ADGRF5: variants seen among roughly 807,000 people sequenced by gnomAD.
The protein encoded by ADGRF5 is adhesion G protein-coupled receptor F5, also known as G-protein coupled receptor 116.
In ADGRF5, 75 loss-of-function variants were observed where a neutral mutation model predicts 132.3. The ratio of observed to expected loss-of-function variants is 0.57; its 90% confidence interval spans 0.47 to 0.69. The LOEUF is 0.69. Ranked by LOEUF, ADGRF5 falls within the 30% of genes least tolerant of loss-of-function variation. ADGRF5 has a pLI of 0.00. For missense variants in ADGRF5, 1,516 were observed against 1,630.6 expected, an observed-to-expected ratio of 0.93 and a Z score of 1.21; for synonymous variants, 629 against 597.6, an observed-to-expected ratio of 1.05 and a Z score of -0.77.
chr6:46,931,482 G>A (rs1462324499), intron 1 of ADGRF5, among the ~76,000 whole-genome samples: 1 of 152,126 alleles, frequency 6.6e-6, no homozygotes, highest in African/African-American at 2.4e-5. Context: ...CATCTCCCTT[G>A]ACCCTGTAGC....
intron 2 of ADGRF5, among the ~76,000 whole-genome samples, chr6:46,902,055 T>C (rs566402478): frequency 7.2e-5 from 11 of 152,292 alleles, no homozygotes; most frequent in Non-Finnish European, 1.2e-4. Context: ...TGGATGATGA[T>C]TGGAATTTCA....
At chr6:46,936,824 T>C (rs1249461158) in intron 1 of ADGRF5, among the ~76,000 whole-genome samples, 1 of 152,144 alleles carries the variant, frequency 6.6e-6, no homozygotes, top group Non-Finnish European at 1.5e-5. Context: ...GAGGTTGTAG[T>C]ATGGAAGCAC....
rs547822693 is a variant in ADGRF5, at chr6:46,885,495, G to C, written c.329-1224C>G. 5.9e-5 allele frequency among the ~76,000 whole-genome samples: 9 copies of C among 152,154 alleles called. No homozygotes were observed. In the East Asian group the frequency reaches 1.2e-3, roughly 20 times the overall value. On this transcript the variant is annotated intron_variant, in intron 4 of 20. Coordinates refer to ENST00000283296, the MANE Select transcript of ADGRF5 (RefSeq NM_001098518.2). ...AAGTTTCCTTTTACATCCCGCACTC[G>C]CAGAGAAAAACAAGAGGTCTTGTCT...
rs768531905 is a variant in ADGRF5 at position 46,881,562 on chromosome 6, G to A, written c.707C>T (p.Thr236Ile). ...GSVVVTYEVK[T>I]TPPSLELIHK... ...TATTAACTCAAGTGATGGTGGTGTA[G>A]TCTTGACTTCATATGTCACAACCAC... Residue 236 changes from threonine (T) to isoleucine (I), a missense_variant, in exon 8 of 21, where the codon ACT becomes ATT. Transcript: ENST00000283296. The A allele has an allele frequency of 1.9e-6, 3 of 1,613,694 alleles. No individual in the cohort carries two copies. In the Admixed American group the frequency reaches 5.0e-5, roughly 27 times the overall value.
intron 4 of ADGRF5, among the ~76,000 whole-genome samples, chr6:46,884,928 C>T (rs1257800728): frequency 1.3e-5 from 2 of 152,130 alleles, no homozygotes; most frequent in Non-Finnish European, 2.9e-5. Flanking sequence ...ACAGGCCAGG[C>T]ACAGTGGCTC....
At position 46,859,062 on chromosome 6, in the gene ADGRF5, A is replaced by G. The variant is rs1454264722; in HGVS notation, c.2841T>C (p.Pro947=). ...AGACACACTTCGTTTCGCCGCCTGA[A>G]GGGCTATTGTTCTTAAAAGTCATTG... ...RISMTFKNNS[P]SGGETKCVFW... The change falls in exon 17 of 21, where the codon CCT becomes CCC. Residue 947 remains proline (P), a synonymous_variant. Transcript: ENST00000283296. The G allele has an allele frequency of 1.2e-6, 2 of 1,614,168 alleles. No homozygotes were observed. Among genetic ancestry groups the G allele is most frequent in the African/African-American group, 2.7e-5 (2 of 75,050 alleles).
At chr6:46,950,999 A>G (rs1439529916) in intron 1 of ADGRF5, among the ~76,000 whole-genome samples, 1 of 152,242 alleles carries the variant, frequency 6.6e-6, no homozygotes, top group Non-Finnish European at 1.5e-5. Flanking sequence ...CTCTCATTAA[A>G]AAAGAAATAT....
chr6:46,925,637 A>C (rs1474725990), upstream of ADGRF5, among the ~76,000 whole-genome samples: 1 of 152,178 alleles, frequency 6.6e-6, no homozygotes, highest in East Asian at 1.9e-4. Flanking sequence ...GGTGCCTGTA[A>C]TCCCAGCTAC....
At position 46,879,859 on chromosome 6, in the gene ADGRF5, A is replaced by G; in HGVS notation, c.995T>C (p.Val332Ala). Reference sequence around the variant, plus strand: ...GATGTTGTGGATGGTGAGCTTGGACACCGAAGTCATGTTGTTGAAAAGTGC... The same window carrying G: ...GATGTTGTGGATGGTGAGCTTGGACGCCGAAGTCATGTTGTTGAAAAGTGC... The part of the protein sequence containing the change: ...YTALFNNMTS[V>A]SKLTIHNITP... The change falls in exon 9 of 21, where the codon GTG becomes GCG. Residue 332 changes from valine (V) to alanine (A), a missense_variant. Around this residue, in one of 2 missense-constraint regions of ADGRF5, gnomAD observed 945 missense variants for 929.4 expected, o/e 1.02. Coordinates refer to ENST00000283296, the MANE Select transcript of ADGRF5 (RefSeq NM_001098518.2). The G allele has an allele frequency of 6.2e-7, 1 of 1,614,066 alleles. No individual in the cohort carries two copies. The highest frequency in any genetic ancestry group is 8.5e-7 in the Non-Finnish European group (1 of 1,179,932).
chr6:46,890,457 C>T (rs894093025), intron 3 of ADGRF5, among the ~76,000 whole-genome samples: 2 of 152,056 alleles, frequency 1.3e-5, no homozygotes. Flanking sequence ...ATGGCTTACG[C>T]CTGTAATCCC....
At chr6:46,881,696 C>T (rs535187658) in intron 7 of ADGRF5, 99 bp from the exon 8 acceptor site, 11 of 971,858 alleles carry the variant, frequency 1.1e-5, no homozygotes, top group Non-Finnish European at 1.6e-5. Flanking sequence ...GCACAAACTG[C>T]CTGATGCAGC....
rs1294058164 is a variant in ADGRF5, at chr6:46,887,752, A to G, written c.328+583T>C. ...AGCCTTATCTCACAACTTCTACTGT[A>G]TACCAAGTCTTGGGTGATGGTTTCT... On this transcript the variant is annotated intron_variant, in intron 4 of 20. Transcript: ENST00000283296. Among the ~76,000 whole-genome samples, 5 of 152,224 alleles carry G rather than the reference A, an allele frequency of 3.3e-5. No homozygotes were observed. The East Asian group carries it at 7.7e-4, about 23-fold the overall frequency.
Position 46,865,106 on chromosome 6 carries a change from A to T in ADGRF5, c.1926T>A (p.Cys642Ter). ...AATTATTAGCAGCATTGGTAAAGTG[A>T]CAACACACATCAACAGTTTTTGAAC... ...SWCSKTVDVC[C>*]HFTNAANNSV... is the part of the protein sequence containing the mutation. The change falls in exon 14 of 21, where the codon TGT becomes TGA. Residue 642 changes from cysteine (C) to a stop codon, truncating the protein, a stop_gained. Coordinates refer to ENST00000283296, the MANE Select transcript of ADGRF5 (RefSeq NM_001098518.2). LOFTEE classifies it high-confidence loss of function. The T allele has an allele frequency of 6.2e-7, 1 of 1,610,092 alleles. No homozygotes were observed. The highest frequency in any genetic ancestry group is 2.2e-5 in the East Asian group (1 of 44,854).
chr6:46,900,897 C>G (rs1774694674), intron 2 of ADGRF5, among the ~76,000 whole-genome samples: 1 of 152,128 alleles, frequency 6.6e-6, no homozygotes, highest in African/African-American at 2.4e-5. Context: ...AATCCTAGCT[C>G]CATCATAAAA....
chr6:46,879,710 G>C, intron 9 of ADGRF5, 108 bp downstream of exon 9: 1 of 772,024 alleles, frequency 1.3e-6, no homozygotes, highest in South Asian at 1.6e-5. Context: ...GACTTATTTT[G>C]GAAGAGAAAA....
chr6:46,941,052 T>G (rs970609621), intron 1 of ADGRF5, among the ~76,000 whole-genome samples: 4 of 152,104 alleles, frequency 2.6e-5, no homozygotes, highest in African/African-American at 9.7e-5. Flanking sequence ...ATGCAAATTC[T>G]AGGCCTACTC....
Position 46,920,975 on chromosome 6 carries a change from G to A in ADGRF5, c.-25+738C>T, listed in dbSNP as rs114059058. ...TAACCTACATTGAAAAACCAACTAC[G>A]TTAGCCCTTTATGAAAGAAAAAATG... is the stretch of plus-strand genomic sequence containing the variant. On this transcript the variant is annotated intron_variant, in intron 1 of 20. Coordinates refer to ENST00000283296, the MANE Select transcript of ADGRF5 (RefSeq NM_001098518.2). 7.6e-3 allele frequency among the ~76,000 whole-genome samples: 1,161 copies of A among 152,216 alleles called. 7 individuals carry two copies. The highest frequency in any genetic ancestry group is 0.01 in the Non-Finnish European group (702 of 68,002).
At chr6:46,877,687 A>G (rs1771971097) in intron 10 of ADGRF5, among the ~76,000 whole-genome samples, 1 of 152,152 alleles carries the variant, frequency 6.6e-6, no homozygotes, top group African/African-American at 2.4e-5. Flanking sequence ...AATGACTGAG[A>G]GACAAACAGG....
intron 1 of ADGRF5, among the ~76,000 whole-genome samples, chr6:46,951,724 C>T (rs1778506730): frequency 6.6e-6 from 1 of 152,208 alleles, no homozygotes; most frequent in Admixed American, 6.5e-5. Context: ...CCTCCCTCCT[C>T]ATCTAACCTG....
Sources: gnomAD v4.1 joint callset for allele counts (sites outside exome capture counted in the v4.1 genomes callset) on GRCh38, gnomAD v4.1.1 for gene constraint, gnomAD v4.1.1 regional missense constraint, MANE v1.5 for transcripts, NCBI Gene and HGNC (gene_info 2026-07-23, HGNC 2026-07-21) for gene names.